The following HPS1 variants were observed in gnomAD, a reference collection of about 807,000 sequenced individuals.
HPS1 encodes the protein BLOC-3 complex member HPS1.
HPS1 carries 59 observed loss-of-function variants against 90.6 expected under a neutral mutation model. The observed-to-expected ratio is 0.65, with a 90% CI of 0.53 to 0.81. The LOEUF is 0.81. Ranked by LOEUF, HPS1 falls within the 30% of genes least tolerant of loss-of-function variation. The pLI, the probability that HPS1 is intolerant of heterozygous loss-of-function variation, is 0.00. For synonymous variants in HPS1, 388 were observed against 384.4 expected (o/e 1.01, Z -0.11); for missense variants, 849 against 896.7 (o/e 0.95, Z 0.68).
At chr10:98,430,453 C>T (rs759569870) in intron 8 of HPS1, 118 bp downstream of exon 8, 11 of 782,872 alleles carry the variant, frequency 1.4e-5, no homozygotes, top group Non-Finnish European at 2.4e-5. Context: ...ACCACACACC[C>T]AGAATTGTGA....
At chr10:98,418,725 C>T (rs1844453873) in intron 18 of HPS1, among the ~76,000 whole-genome samples, 1 of 152,218 alleles carries the variant, frequency 6.6e-6, no homozygotes, top group Admixed American at 6.5e-5. Flanking sequence ...CGTGGCCTGC[C>T]CTGCAGGGGG....
Position 98,417,486 on chromosome 10 carries a change from G to C in HPS1, c.*78C>G, listed in dbSNP as rs745844951. ...CTCAGGATGGCCACTGCAGACAGGAGGCTCTCGTCATGGGGAACAGTGGCA... is the reference window on the plus strand; with the variant it reads ...CTCAGGATGGCCACTGCAGACAGGACGCTCTCGTCATGGGGAACAGTGGCA... On this transcript the variant is annotated 3_prime_UTR_variant, in exon 20 of 20. Coordinates refer to ENST00000361490, the MANE Select transcript of HPS1 (RefSeq NM_000195.5). This position sits in a 1 kb window ranked among gnomAD's most constrained non-coding sequence, Gnocchi z 4.2. 8 of 1,326,770 alleles carry C rather than the reference G, an allele frequency of 6.0e-6. No individual in the cohort carries two copies. In the East Asian group the frequency reaches 1.7e-4, roughly 28 times the overall value. The allele number at this position is 1,326,770 out of a possible 1,614,324, so 82.2% of individuals were successfully genotyped here. A position where few individuals can be genotyped will look rare whatever the true frequency, so the allele number is the denominator to read the frequency against.
intron 17 of HPS1, 26 bp downstream of exon 17, chr10:98,422,342 AT>A: frequency 4.6e-6 from 6 of 1,293,306 alleles, no homozygotes; most frequent in Non-Finnish European, 5.5e-6. Flanking sequence ...AGGCCCACCC[AT>A]CCCCGCCCTG....
Position 98,433,964 on chromosome 10 carries a change from T to A in HPS1, c.507+19A>T. 6.4e-7 allele frequency: 1 copy of A among 1,552,252 alleles called. No individual in the cohort carries two copies. The highest frequency in any genetic ancestry group is 1.2e-5 in the South Asian group (1 of 84,060). On this transcript the variant is annotated intron_variant, in intron 6 of 19. Transcript: ENST00000361490. ...CCTGACAGCTTCAAGTCCTGAGGACTCCCGCGCCCAGTAGTCACCTCCACG... is the reference window on the plus strand; with the variant it reads ...CCTGACAGCTTCAAGTCCTGAGGACACCCGCGCCCAGTAGTCACCTCCACG...
At position 98,435,604 on chromosome 10, in the gene HPS1, A is replaced by G; in HGVS notation, c.255+31T>C. On this transcript the variant is annotated intron_variant, in intron 4 of 19. Coordinates refer to ENST00000361490, the MANE Select transcript of HPS1 (RefSeq NM_000195.5). The surrounding 1 kb of genome is among the most constrained non-coding windows in gnomAD (Gnocchi z 4.3). The stretch of plus-strand genomic sequence containing the variant: ...GGACTCCCCATCAAGCTGAGGGAAG[A>G]GGAACATGGGCCCCAGAGCTATAGA... The G allele has an allele frequency of 1.9e-6, 3 of 1,613,932 alleles. No individual in the cohort carries two copies. The highest frequency in any genetic ancestry group is 4.5e-5 in the East Asian group (2 of 44,870).
intron 3 of HPS1, among the ~76,000 whole-genome samples, chr10:98,439,173 G>C (rs1937946851): frequency 1.3e-5 from 2 of 152,240 alleles, no homozygotes; most frequent in Admixed American, 1.3e-4. Flanking sequence ...ACCTCTGCTA[G>C]AGTGATTAAG....
chr10:98,420,925 G>A (rs2136109330), intron 17 of HPS1, among the ~76,000 whole-genome samples: 1 of 152,284 alleles, frequency 6.6e-6, no homozygotes, highest in South Asian at 2.1e-4. Flanking sequence ...TGAGCCAGGG[G>A]GGAAGTCCAA....
chr10:98,435,341 T>G lies in HPS1; in HGVS notation c.329A>C (p.Tyr110Ser). Residue 110 changes from tyrosine (Y) to serine (S), a missense_variant, in exon 5 of 20, where the codon TAT becomes TCT. Coordinates refer to ENST00000361490, the MANE Select transcript of HPS1 (RefSeq NM_000195.5). The surrounding 1 kb of genome is among the most constrained non-coding windows in gnomAD (Gnocchi z 4.3). ...CACTTCAAACAGGTACTTGAGCACA[T>G]ACAGCTTCCGCCGCAGGTCCCCCTC... ...ESEGDLRRKL[Y>S]VLKYLFEVHF... 1 of 1,613,448 alleles carries G rather than the reference T, an allele frequency of 6.2e-7. No homozygotes were observed.
chr10:98,423,995 C>A (rs1845257981), intron 14 of HPS1, 108 bp from the exon 15 acceptor site: 2 of 1,461,990 alleles, frequency 1.4e-6, no homozygotes, highest in Non-Finnish European at 1.9e-6. Context: ...CTGGGGAGCC[C>A]TTCCCCCTTG....
Position 98,429,531 on chromosome 10 carries a change from G to A in HPS1, c.937+42C>T, listed in dbSNP as rs201726336. 425 of 1,613,996 alleles carry A rather than the reference G, an allele frequency of 2.6e-4. 1 individual carries two copies. The highest frequency in any genetic ancestry group is 4.5e-4 in the East Asian group (20 of 44,872). ...AGATGTCCTGGGCTGCCTGTCGCTCGCAGCTAGCTATTGTTTCCTCCTGCT... is the reference window on the plus strand; with the variant it reads ...AGATGTCCTGGGCTGCCTGTCGCTCACAGCTAGCTATTGTTTCCTCCTGCT... On this transcript the variant is annotated intron_variant, in intron 10 of 19. Transcript: ENST00000361490.
At chr10:98,437,619 T>C (rs929491408) in intron 3 of HPS1, among the ~76,000 whole-genome samples, 1 of 152,270 alleles carries the variant, frequency 6.6e-6, no homozygotes, top group African/African-American at 2.4e-5. Context: ...CAGGCCATAC[T>C]GTACAGCCTA....
In HPS1 at chr10:98,435,116, T is replaced by C; in HGVS notation, c.398+156A>G. ...TATAAAGTCAGAGGGTCAGACCAGA[T>C]GGTCTCCAAGGTTCACTTGAGCTGT... On this transcript the variant is annotated intron_variant, in intron 5 of 19. Transcript: ENST00000361490. This position sits in a 1 kb window ranked among gnomAD's most constrained non-coding sequence, Gnocchi z 4.3. 1.3e-6 allele frequency: 1 copy of C among 789,922 alleles called. No homozygotes were observed. Among genetic ancestry groups the C allele is most frequent in the Non-Finnish European group, 2.1e-6 (1 of 470,364 alleles). The allele number at this position is 789,922 out of a possible 1,614,324, so 48.9% of individuals were successfully genotyped here.
intron 13 of HPS1, 89 bp downstream of exon 13, chr10:98,425,452 A>C (rs1845473388): frequency 3.7e-6 from 5 of 1,338,758 alleles, no homozygotes; most frequent in Non-Finnish European, 5.2e-6. Context: ...ACCCAGGCCC[A>C]TTGGCCCCTC....
intron 6 of HPS1, among the ~76,000 whole-genome samples, chr10:98,431,545 G>A (rs1846478785): frequency 6.6e-6 from 1 of 152,256 alleles, no homozygotes; most frequent in Non-Finnish European, 1.5e-5. Context: ...TAAGCACCAA[G>A]TACAAAATAC....
Position 98,420,158 on chromosome 10 carries a change from C to T in HPS1, c.1744G>A (p.Val582Ile), listed in dbSNP as rs757841758. 1.2e-6 allele frequency: 2 copies of T among 1,609,280 alleles called. No homozygotes were observed. Among genetic ancestry groups the T allele is most frequent in the Non-Finnish European group, 1.7e-6 (2 of 1,175,652 alleles). Residue 582 changes from valine (V) to isoleucine (I), a missense_variant and splice_region_variant, in exon 18 of 20, where the codon GTC becomes ATC. Val to Ile is a conservative substitution (Grantham distance 29). Transcript: ENST00000361490. ...CGCGCCAGCTGGATCAGAGACCAGA[C>T]CTGGGGAAAAGACAGCAAGCATCAC... is the stretch of plus-strand genomic sequence containing the variant. ...GPLAAFVKTKVWSLIQLARRY... is the reference protein window; with the variant it reads ...GPLAAFVKTKIWSLIQLARRY...
chr10:98,425,116 C>A (rs1400727300), intron 13 of HPS1, among the ~76,000 whole-genome samples: 1 of 152,240 alleles, frequency 6.6e-6, no homozygotes, highest in African/African-American at 2.4e-5. Context: ...GGGGTGGAGC[C>A]GTGACCTGCA....
intron 10 of HPS1, 141 bp downstream of exon 10, chr10:98,429,432 C>T (rs1203754518): frequency 9.0e-6 from 14 of 1,553,024 alleles, no homozygotes; most frequent in South Asian, 4.7e-5. Context: ...CCGCAGACAG[C>T]GTCCTGTGCT....
At position 98,417,804 on chromosome 10, in the gene HPS1, C is replaced by G; in HGVS notation, c.1941-78G>C. On this transcript the variant is annotated intron_variant, in intron 19 of 19. Transcript: ENST00000361490. This position sits in a 1 kb window ranked among gnomAD's most constrained non-coding sequence, Gnocchi z 4.2. ...AGCGCCAGAGGCCTCTCTGGGCCCTCGCAAGCAAATGCCCATGCCCTCGGT... is the reference window on the plus strand; with the variant it reads ...AGCGCCAGAGGCCTCTCTGGGCCCTGGCAAGCAAATGCCCATGCCCTCGGT... 7.1e-7 allele frequency: 1 copy of G among 1,402,616 alleles called. No individual in the cohort carries two copies. Among genetic ancestry groups the G allele is most frequent in the African/African-American group, 1.4e-5 (1 of 70,816 alleles). The allele number at this position is 1,402,616 out of a possible 1,614,324, so 86.9% of individuals were successfully genotyped here.
At chr10:98,436,487 CTATTTT>C (rs1429349344) in intron 3 of HPS1, among the ~76,000 whole-genome samples, 1 of 152,172 alleles carries the variant, frequency 6.6e-6, no homozygotes, top group Non-Finnish European at 1.5e-5. Flanking sequence ...TTTTTTCCCT[CTATTTT>C]TAAGTATGTT....
Sources: allele counts gnomAD v4.1 joint callset (sites outside exome capture counted in the v4.1 genomes callset), GRCh38; gene constraint gnomAD v4.1.1; non-coding constraint Gnocchi (gnomAD v3.1); transcripts MANE v1.5; gene names NCBI Gene and HGNC (gene_info 2026-07-23, HGNC 2026-07-21).